The following KIF21A variants were observed in gnomAD, a reference collection of about 807,000 sequenced individuals.
KIF21A encodes the protein kinesin-like protein KIF21A.
Under a neutral mutation model 202.9 loss-of-function variants are expected in KIF21A, and 114 were observed. That is an observed-to-expected ratio of 0.56 (90% CI 0.48 to 0.66). KIF21A has a LOEUF of 0.66. Among genes scored for constraint, KIF21A ranks in the 30% least tolerant of loss-of-function variants. The pLI is 0.00. For missense variants in KIF21A, 1,677 were observed against 1,994.9 expected (o/e 0.84, Z 3.04); for synonymous variants, 667 against 670.8 (o/e 0.99, Z 0.09).
intron 7 of KIF21A, among the ~76,000 whole-genome samples, chr12:39,362,107 C>T (rs1414306422): frequency 6.6e-6 from 1 of 152,130 alleles, no homozygotes; most frequent in African/African-American, 2.4e-5. Context: ...GTTCTCACTC[C>T]CTCTTTGCCT....
intron 1 of KIF21A, among the ~76,000 whole-genome samples, chr12:39,372,874 G>A (rs1329963678): frequency 6.6e-6 from 1 of 152,110 alleles, no homozygotes; most frequent in Non-Finnish European, 1.5e-5. Flanking sequence ...GAAATAGGGA[G>A]AGTCAGAAAC....
rs1370258959 is a variant in KIF21A at position 39,340,901 on chromosome 12, C to T, written c.2110+5G>A. 2 of 1,591,398 alleles carry T rather than the reference C, an allele frequency of 1.3e-6. No individual in the cohort carries two copies. The highest frequency in any genetic ancestry group is 3.3e-5 in the Admixed American group (2 of 59,848). On this transcript the variant is annotated splice_donor_5th_base_variant and intron_variant, in intron 15 of 37. Transcript: ENST00000361418. ...ACTTTCATTTGAATTAAATATAATTCTTACCTAAGTTTTGAAGCACCTGGT... is the reference window on the plus strand; with the variant it reads ...ACTTTCATTTGAATTAAATATAATTTTTACCTAAGTTTTGAAGCACCTGGT...
chr12:39,382,196 G>A (rs555106769), intron 1 of KIF21A, among the ~76,000 whole-genome samples: 2 of 152,266 alleles, frequency 1.3e-5, no homozygotes, highest in East Asian at 3.9e-4. Context: ...GTCAGGAGGT[G>A]GGAGACAGAA....
chr12:39,411,931 T>A (rs1953119611), intron 1 of KIF21A, among the ~76,000 whole-genome samples: 1 of 151,904 alleles, frequency 6.6e-6, no homozygotes, highest in South Asian at 2.1e-4. Context: ...ACCTCCTGGG[T>A]TCAAGAGATT....
At chr12:39,324,916 T>C (rs1945696212) in intron 26 of KIF21A, among the ~76,000 whole-genome samples, 1 of 152,240 alleles carries the variant, frequency 6.6e-6, no homozygotes, top group East Asian at 1.9e-4. Context: ...GCAAGAATTC[T>C]TTGTTTTCAA....
chr12:39,339,259 A>T (rs1482878573), intron 16 of KIF21A, among the ~76,000 whole-genome samples: 1 of 150,628 alleles, frequency 6.6e-6, no homozygotes, highest in Non-Finnish European at 1.5e-5. Flanking sequence ...AAAGTGTACC[A>T]TTTTTTTATC....
intron 31 of KIF21A, among the ~76,000 whole-genome samples, chr12:39,314,391 G>A (rs536354654): frequency 1.3e-5 from 2 of 151,756 alleles, no homozygotes; most frequent in East Asian, 3.9e-4. Context: ...TGGAAATTTT[G>A]ATGTCTTAAG....
rs752874115 is a variant in KIF21A at position 39,301,894 on chromosome 12, A to C, written c.4732-215T>G. Among the ~76,000 whole-genome samples the C allele has an allele frequency of 3.9e-5, 6 of 152,356 alleles. No individual in the cohort carries two copies. The South Asian group carries it at 1.2e-3, about 32-fold the overall frequency. ...CTCACTAATTTTCATCACTGTTATCAGCATATAAGGGCTATAATCTACAGA... is the reference window on the plus strand; with the variant it reads ...CTCACTAATTTTCATCACTGTTATCCGCATATAAGGGCTATAATCTACAGA... On this transcript the variant is annotated intron_variant, in intron 36 of 37. Coordinates refer to ENST00000361418, the MANE Select transcript of KIF21A (RefSeq NM_001173464.2).
At chr12:39,409,099 G>A (rs142341701) in intron 1 of KIF21A, among the ~76,000 whole-genome samples, 1,657 of 151,934 alleles carry the variant, frequency 0.011, 38 homozygotes, top group African/African-American at 0.036. Flanking sequence ...GCCTCTGAAA[G>A]TGTTGGGATT....
At chr12:39,401,946 T>G (rs1210480380) in intron 1 of KIF21A, among the ~76,000 whole-genome samples, 1 of 152,206 alleles carries the variant, frequency 6.6e-6, no homozygotes, top group African/African-American at 2.4e-5. Flanking sequence ...AGTTACAAGT[T>G]GCAAATATGC....
chr12:39,402,589 G>A (rs1289816053), intron 1 of KIF21A, among the ~76,000 whole-genome samples: 6 of 152,006 alleles, frequency 3.9e-5, no homozygotes, highest in African/African-American at 1.4e-4. Context: ...AATAAGAGGA[G>A]CCCCTTTCTC....
intron 27 of KIF21A, chr12:39,321,289 T>C (rs1945222519): frequency 6.6e-6 from 1 of 152,180 alleles, no homozygotes. Context: ...CCAAAAGATA[T>C]TTTTTACAAC....
chr12:39,333,388 C>T, intron 17 of KIF21A, 108 bp from the exon 18 acceptor site: 1 of 829,924 alleles, frequency 1.2e-6, no homozygotes, highest in Non-Finnish European at 2.0e-6. Flanking sequence ...GAGTTCTTAG[C>T]AGAATCTTTG....
intron 3 of KIF21A, 57 bp from the exon 4 acceptor site, chr12:39,368,089 T>C (rs1949719943): frequency 9.6e-7 from 1 of 1,041,564 alleles, no homozygotes; most frequent in Admixed American, 1.8e-5. Context: ...GTAGTTGTCA[T>C]AACAACACAT....
chr12:39,433,333 T>C (rs946266303), intron 1 of KIF21A, among the ~76,000 whole-genome samples: 6 of 152,086 alleles, frequency 3.9e-5, no homozygotes, highest in Admixed American at 3.3e-4. Flanking sequence ...TGCAGGCACA[T>C]TGCCCCAGTA....
At chr12:39,316,049 C>T in intron 29 of KIF21A, 79 bp from the exon 30 acceptor site, 1 of 928,618 alleles carries the variant, frequency 1.1e-6, no homozygotes, top group Non-Finnish European at 1.8e-6. Context: ...GACTCAAAAT[C>T]AACAGCATGA....
At chr12:39,311,007 A>C (rs1943973113) in intron 32 of KIF21A, among the ~76,000 whole-genome samples, 1 of 152,072 alleles carries the variant, frequency 6.6e-6, no homozygotes, top group Admixed American at 6.6e-5. Context: ...TGTGAGAATT[A>C]GGTGAGATAT....
At chr12:39,341,901 C>A (rs1367372230) in intron 13 of KIF21A, 133 bp downstream of exon 13, 2 of 732,924 alleles carry the variant, frequency 2.7e-6, no homozygotes, top group East Asian at 2.7e-5. Context: ...GAAGAAACAT[C>A]TTCAAAGAAA....
chr12:39,371,355 G>A (rs1018876877), intron 1 of KIF21A, among the ~76,000 whole-genome samples: 2 of 151,986 alleles, frequency 1.3e-5, no homozygotes, highest in Admixed American at 6.6e-5. Context: ...GAAGACCACC[G>A]CACTACACCC....
Sources: allele counts gnomAD v4.1 joint callset (sites outside exome capture counted in the v4.1 genomes callset), GRCh38; gene constraint gnomAD v4.1.1; transcripts MANE v1.5; gene names NCBI Gene and HGNC (gene_info 2026-07-23, HGNC 2026-07-21).